ZMYM5: variants seen among roughly 807,000 people sequenced by gnomAD.
The protein encoded by ZMYM5 is zinc finger MYM-type containing 5.
A neutral mutation model predicts 61.8 loss-of-function variants in ZMYM5; 41 were observed. The observed-to-expected ratio is 0.66, with a 90% CI of 0.52 to 0.86. The LOEUF (loss-of-function observed/expected upper bound fraction) is 0.86. Among genes scored for constraint, ZMYM5 ranks in the 40% least tolerant of loss-of-function variants. The pLI, the probability that ZMYM5 is intolerant of heterozygous loss-of-function variation, is 0.00. For missense variants in ZMYM5, 706 were observed against 786.7 expected, an observed-to-expected ratio of 0.90 and a Z score of 1.23; for synonymous variants, 257 against 276.4, an observed-to-expected ratio of 0.93 and a Z score of 0.70.
chr13:19,831,787 C>CAAAA lies in ZMYM5; in HGVS notation c.1251+3686_1251+3689dup, dbSNP rs1190448216. 5.7e-4 allele frequency among the ~76,000 whole-genome samples: 21 copies of CAAAA among 36,672 alleles called. 4 individuals are homozygous for CAAAA. Among genetic ancestry groups the CAAAA allele is most frequent in the Non-Finnish European group, 7.5e-4 (18 of 24,132 alleles). 24.1% of individuals were successfully genotyped at this position (36,672 alleles called of 152,430 possible). A position where few individuals can be genotyped will look rare whatever the true frequency, so the allele number is the denominator to read the frequency against. Reference sequence around the variant, plus strand: ...TGGGTGACAGAGAGAGACTCTGTCTCAAAAAAAAAAAAAAAAAAAAAAAAA... The same window carrying CAAAA: ...TGGGTGACAGAGAGAGACTCTGTCTCAAAAAAAAAAAAAAAAAAAAAAAAAAAAA... On this transcript the variant is annotated intron_variant, in intron 7 of 7. Transcript: ENST00000337963.
rs369278619 is a variant in ZMYM5, at chr13:19,837,744, G to C, written c.950C>G (p.Ser317Cys). The C allele has an allele frequency of 1.3e-6, 2 of 1,586,598 alleles. No individual in the cohort carries two copies. Among genetic ancestry groups the C allele is most frequent in the African/African-American group, 2.7e-5 (2 of 72,918 alleles). The change falls in exon 6 of 8, where the codon TCT (serine) becomes TGT (cysteine). Residue 317 changes from serine (S) to cysteine (C), a missense_variant. By Grantham distance (112) the Ser-to-Cys change is moderately radical. Coordinates refer to ENST00000337963, the MANE Select transcript of ZMYM5 (RefSeq NM_001142684.2). ...SKSFQEFYST[S>C]CLSPCENNWN... ...GTTGTTTTCACAGGGAGACAAACAA[G>C]ATGTACTATAAAATTCTTGGAAGGA...
chr13:19,836,445 A>C (rs538061902), intron 6 of ZMYM5, among the ~76,000 whole-genome samples: 87 of 151,960 alleles, frequency 5.7e-4, no homozygotes, highest in Non-Finnish European at 1.0e-3. Context: ...ATGGGTCAAC[A>C]ATCTTTTTTT....
intron 7 of ZMYM5, among the ~76,000 whole-genome samples, chr13:19,828,984 C>A (rs1323464413): frequency 6.6e-6 from 1 of 152,104 alleles, no homozygotes; most frequent in Non-Finnish European, 1.5e-5. Context: ...GTGGCACATG[C>A]CTGCAGTCCC....
intron 4 of ZMYM5, among the ~76,000 whole-genome samples, chr13:19,839,981 T>G (rs1219061198): frequency 3.3e-5 from 5 of 152,250 alleles, no homozygotes; most frequent in Non-Finnish European, 4.4e-5. Flanking sequence ...CAAACTTTAT[T>G]GTGCATATTA....
chr13:19,827,951 G>A (rs1270097281), intron 7 of ZMYM5, among the ~76,000 whole-genome samples: 1 of 148,420 alleles, frequency 6.7e-6, no homozygotes, highest in African/African-American at 2.5e-5. Flanking sequence ...CCCGGGAGGC[G>A]GAGATTGCAG....
At chr13:19,857,475 A>G (rs1953556776) in intron 2 of ZMYM5, among the ~76,000 whole-genome samples, 1 of 152,242 alleles carries the variant, frequency 6.6e-6, no homozygotes, top group Admixed American at 6.5e-5. Context: ...AATCAGATAT[A>G]AAGGTGTACC....
In ZMYM5 at chr13:19,849,911, G is replaced by A. The variant is rs527835193; in HGVS notation, c.586+1444C>T. Among the ~76,000 whole-genome samples the A allele has an allele frequency of 2.0e-5, 3 of 152,072 alleles. No individual in the cohort carries two copies. In the South Asian group the frequency reaches 6.2e-4, roughly 32 times the overall value. On this transcript the variant is annotated intron_variant, in intron 4 of 7. Transcript: ENST00000337963. ...CCCGGGGATCACTTGAACCCAGGAGGCAGAGGTTGCAGTGAGCCGAGATCG... is the reference window on the plus strand; with the variant it reads ...CCCGGGGATCACTTGAACCCAGGAGACAGAGGTTGCAGTGAGCCGAGATCG...
rs1387158695 is a variant in ZMYM5, at chr13:19,837,662, TA to T, written c.1031del (p.Leu344Ter). The stretch of plus-strand genomic sequence containing the variant: ...TAGGTATAAAAATCCAGACCTCTGC[TA>T]ATTTACTACAAATTGTACATCTTGA... Reference protein sequence around the residue: ...NKSRCTICSKLAEIRHEVSVN... With the variant: ...NKSRCTICSKXAEIRHEVSVN... On this transcript the variant is annotated frameshift_variant, in exon 6 of 8. Coordinates refer to ENST00000337963, the MANE Select transcript of ZMYM5 (RefSeq NM_001142684.2). LOFTEE classifies it high-confidence loss of function. The T allele has an allele frequency of 6.3e-6, 10 of 1,587,314 alleles. No individual in the cohort carries two copies. The highest frequency in any genetic ancestry group is 7.7e-6 in the Non-Finnish European group (9 of 1,173,716).
intron 4 of ZMYM5, among the ~76,000 whole-genome samples, chr13:19,840,144 A>G (rs1952816956): frequency 6.6e-6 from 1 of 152,220 alleles, no homozygotes; most frequent in African/African-American, 2.4e-5. Context: ...TCTATCTTCA[A>G]AAACAGCTTT....
At chr13:19,845,804 C>A (rs1404208558) in intron 4 of ZMYM5, among the ~76,000 whole-genome samples, 4 of 152,188 alleles carry the variant, frequency 2.6e-5, no homozygotes, top group Non-Finnish European at 5.9e-5. Flanking sequence ...AGTAGCATCA[C>A]CTGCCTGGCA....
At chr13:19,847,368 T>C (rs1393306673) in intron 4 of ZMYM5, among the ~76,000 whole-genome samples, 1 of 152,136 alleles carries the variant, frequency 6.6e-6, no homozygotes, top group African/African-American at 2.4e-5. Context: ...ACGTGGAAAA[T>C]AGTCCTCCCT....
chr13:19,836,545 G>C (rs983013024), intron 6 of ZMYM5, among the ~76,000 whole-genome samples: 2 of 152,166 alleles, frequency 1.3e-5, no homozygotes, highest in Non-Finnish European at 2.9e-5. Flanking sequence ...CTGGACTCCA[G>C]TGATTGTCCT....
intron 2 of ZMYM5, among the ~76,000 whole-genome samples, chr13:19,855,742 T>C (rs1235978524): frequency 6.6e-6 from 1 of 151,294 alleles, no homozygotes; most frequent in Non-Finnish European, 1.5e-5. Context: ...CCAGGTGCAG[T>C]GGCTCATGCC....
Position 19,825,123 on chromosome 13 carries a change from T to G in ZMYM5, c.1364A>C (p.Lys455Thr), listed in dbSNP as rs561362124. Residue 455 changes from lysine to threonine, a missense_variant, in exon 8 of 8, where the codon AAA becomes ACA. Around this residue, in one of 2 missense-constraint regions of ZMYM5, gnomAD observed 226 missense variants for 325.0 expected, o/e 0.70. Transcript: ENST00000337963. ...CTTTTTTTCTGGGATTCCCTCTATT[T>G]TTTTCAAAAGTGTATTTGACGATCC... ...LYGSSNTLLK[K>T]IEGIPEKKEK... 7.3e-7 allele frequency: 1 copy of G among 1,362,754 alleles called. No individual in the cohort carries two copies. Among genetic ancestry groups the G allele is most frequent in the Non-Finnish European group, 9.8e-7 (1 of 1,019,554 alleles). 84.4% of individuals were successfully genotyped at this position (1,362,754 alleles called of 1,614,324 possible).
intron 7 of ZMYM5, among the ~76,000 whole-genome samples, chr13:19,827,572 A>C (rs1890972457): frequency 6.6e-6 from 1 of 152,176 alleles, no homozygotes; most frequent in South Asian, 2.1e-4. Context: ...ATGTTTATTA[A>C]CATTGTTAGA....
At chr13:19,859,332 G>A (rs537696070) in intron 2 of ZMYM5, among the ~76,000 whole-genome samples, 196 of 152,098 alleles carry the variant, frequency 1.3e-3, no homozygotes, top group Non-Finnish European at 2.0e-3. Context: ...AAGATCACCC[G>A]CAAGCTTCAA....
At chr13:19,853,467 T>C (rs997525781) in intron 2 of ZMYM5, among the ~76,000 whole-genome samples, 1 of 151,996 alleles carries the variant, frequency 6.6e-6, no homozygotes, top group Admixed American at 6.6e-5. Context: ...ATTTTTTTTT[T>C]CTTTTAGTAG....
chr13:19,850,673 C>G (rs1953253198), intron 4 of ZMYM5, among the ~76,000 whole-genome samples: 5 of 151,830 alleles, frequency 3.3e-5, no homozygotes, highest in Non-Finnish European at 7.4e-5. Flanking sequence ...AAAGCTTAAG[C>G]AAAAATTGAA....
chr13:19,850,625 T>TAAAA (rs1285216953), intron 4 of ZMYM5, among the ~76,000 whole-genome samples: 1 of 151,478 alleles, frequency 6.6e-6, no homozygotes, highest in East Asian at 1.9e-4. Flanking sequence ...AATAAATAAA[T>TAAAA]AAAAACTAAA....
Sources: allele counts gnomAD v4.1 joint callset (sites outside exome capture counted in the v4.1 genomes callset), GRCh38; gene constraint gnomAD v4.1.1; regional missense constraint gnomAD v4.1.1; transcripts MANE v1.5; gene names NCBI Gene and HGNC (gene_info 2026-07-23, HGNC 2026-07-21).